NEO1: variants seen among roughly 807,000 people sequenced by gnomAD.
NEO1 encodes the protein neogenin 1.
A neutral mutation model predicts 159.7 loss-of-function variants in NEO1; 63 were observed. The observed-to-expected ratio is 0.39, with a 90% CI of 0.32 to 0.49. NEO1 has a LOEUF of 0.49. NEO1 is among the 20% of genes least tolerant of loss of function. NEO1 has a pLI of 0.85. For missense variants in NEO1, 1,615 were observed against 1,831.0 expected (o/e 0.88, Z 2.15); for synonymous variants, 633 against 662.0 (o/e 0.96, Z 0.67).
rs2040563498 is a variant in NEO1 at position 73,260,291 on chromosome 15, C to T, written c.2224C>T (p.Pro742Ser). The T allele has an allele frequency of 6.2e-7, 1 of 1,613,112 alleles. No individual in the cohort carries two copies. Among genetic ancestry groups the T allele is most frequent in the Non-Finnish European group, 8.5e-7 (1 of 1,179,718 alleles). The change falls in exon 15 of 29, where the codon CCT (proline) becomes TCT (serine). Residue 742 changes from proline (P) to serine (S), a missense_variant. Transcript: ENST00000261908. ...DLDETRVPEV[P>S]SSLHVRPLVT... ...CCCAGAAACTCGTGTTCCTGAAGTG[C>T]CTAGCTCTCTTCACGTACGCCCGCT...
Position 73,176,350 on chromosome 15 carries a change from T to C in NEO1, c.1016-53T>C, listed in dbSNP as rs530248994. On this transcript the variant is annotated intron_variant, in intron 5 of 28. Coordinates refer to ENST00000261908, the MANE Select transcript of NEO1 (RefSeq NM_002499.4). Reference sequence around the variant, plus strand: ...ATTTAAAAATTGGTTGAAATATGAATAGCTGCCTAGTTCTATTTTCATTAA... The same window carrying C: ...ATTTAAAAATTGGTTGAAATATGAACAGCTGCCTAGTTCTATTTTCATTAA... 933 of 1,195,094 alleles carry C rather than the reference T, an allele frequency of 7.8e-4. 3 individuals are homozygous for C. Among genetic ancestry groups the C allele is most frequent in the Non-Finnish European group, 9.5e-4 (836 of 883,184 alleles). 74.0% of individuals were successfully genotyped at this position (1,195,094 alleles called of 1,614,324 possible).
intron 5 of NEO1, among the ~76,000 whole-genome samples, chr15:73,161,145 C>T (rs187235483): frequency 2.3e-4 from 35 of 152,262 alleles, no homozygotes; most frequent in Non-Finnish European, 2.9e-4. Flanking sequence ...TCTTTTGTGA[C>T]TTCCGAGTTT....
At chr15:73,169,401 T>G (rs2034800105) in intron 5 of NEO1, among the ~76,000 whole-genome samples, 1 of 152,162 alleles carries the variant, frequency 6.6e-6, no homozygotes, top group Admixed American at 6.5e-5. Flanking sequence ...ATTGACTCAT[T>G]TGTTCTCTGG....
chr15:73,283,187 T>C (rs147388720), intron 23 of NEO1, 76 bp downstream of exon 23: 2 of 1,478,232 alleles, frequency 1.4e-6, no homozygotes, highest in African/African-American at 2.8e-5. Context: ...GTATATGGAG[T>C]GGTACACAAA....
intron 1 of NEO1, among the ~76,000 whole-genome samples, chr15:73,057,861 T>A (rs1049622469): frequency 1.3e-5 from 2 of 152,204 alleles, no homozygotes; most frequent in Non-Finnish European, 2.9e-5. Context: ...CATTTTATTT[T>A]AAAAACTTAT....
intron 1 of NEO1, among the ~76,000 whole-genome samples, chr15:73,103,209 G>A (rs2070495706): frequency 1.3e-5 from 2 of 152,062 alleles, no homozygotes; most frequent in African/African-American, 4.8e-5. Context: ...TCTCCATTTG[G>A]CAGTAAGAAT....
intron 5 of NEO1, among the ~76,000 whole-genome samples, chr15:73,157,658 C>T (rs1314613698): frequency 2.0e-5 from 3 of 152,212 alleles, no homozygotes. Flanking sequence ...TTGCTTTTCT[C>T]TTGAACTCCC....
chr15:73,195,777 C>T (rs1246607063), intron 7 of NEO1, among the ~76,000 whole-genome samples: 2 of 151,980 alleles, frequency 1.3e-5, no homozygotes, highest in Non-Finnish European at 2.9e-5. Flanking sequence ...TTTTAGAGTT[C>T]CTCTTCATTT....
intron 9 of NEO1, among the ~76,000 whole-genome samples, chr15:73,244,983 A>AAAAAAAAAAAAC (rs2039707127): frequency 6.7e-6 from 1 of 148,450 alleles, no homozygotes; most frequent in Non-Finnish European, 1.5e-5. Context: ...AAAAAAAAAA[A>AAAAAAAAAAAAC]CAACAGCAAA....
chr15:73,150,609 T>G (rs1017860727), intron 5 of NEO1, among the ~76,000 whole-genome samples: 1 of 152,202 alleles, frequency 6.6e-6, no homozygotes, highest in Non-Finnish European at 1.5e-5. Flanking sequence ...TTAGCTAAGC[T>G]TTAATATTTT....
chr15:73,246,940 G>C (rs1390516023), intron 9 of NEO1, among the ~76,000 whole-genome samples: 1 of 152,182 alleles, frequency 6.6e-6, no homozygotes, highest in Non-Finnish European at 1.5e-5. Context: ...TAGGCAGTCA[G>C]GATGTAAAGA....
At chr15:73,164,694 C>T (rs2034450092) in intron 5 of NEO1, among the ~76,000 whole-genome samples, 1 of 152,184 alleles carries the variant, frequency 6.6e-6, no homozygotes, top group South Asian at 2.1e-4. Flanking sequence ...TCTTCTAAAA[C>T]CCTTGCACAT....
intron 21 of NEO1, among the ~76,000 whole-genome samples, chr15:73,275,657 A>T (rs1447204214): frequency 5.3e-5 from 8 of 152,166 alleles, no homozygotes; most frequent in Non-Finnish European, 1.0e-4. Flanking sequence ...CCTGTCTCAA[A>T]AAAAAAGTAA....
chr15:73,059,160 T>G (rs2067860382), intron 1 of NEO1, among the ~76,000 whole-genome samples: 1 of 152,172 alleles, frequency 6.6e-6, no homozygotes, highest in Non-Finnish European at 1.5e-5. Flanking sequence ...TTGGAAGGGA[T>G]GTAGAGTAAA....
At chr15:73,193,433 A>C (rs535923593) in intron 7 of NEO1, among the ~76,000 whole-genome samples, 39 of 152,006 alleles carry the variant, frequency 2.6e-4, no homozygotes, top group African/African-American at 8.9e-4. Context: ...TTCAAAATTC[A>C]CTGTATCACT....
At chr15:73,253,254 T>G (rs2150954846) in intron 11 of NEO1, 146 bp from the exon 12 acceptor site, 1 of 459,998 alleles carries the variant, frequency 2.2e-6, no homozygotes, top group East Asian at 3.2e-5. Flanking sequence ...ATTGTCAACA[T>G]GAGGGCATTG....
At chr15:73,270,590 AGTT>A (rs2041123312) in intron 18 of NEO1, 136 bp downstream of exon 18, 1 of 979,752 alleles carries the variant, frequency 1.0e-6, no homozygotes, top group African/African-American at 1.6e-5. Flanking sequence ...TCAGCTGACA[AGTT>A]GTGTGTTTTT....
In NEO1 at chr15:73,085,607, T is replaced by C. The variant is rs575650653; in HGVS notation, c.131-30933T>C. ...TCCCACCAACAGTGTATGGGAGTTA[T>C]AGTTGATTGGCATCCTCACCAGTGT... is the stretch of plus-strand genomic sequence containing the variant. On this transcript the variant is annotated intron_variant, in intron 1 of 28. Transcript: ENST00000261908. Among the ~76,000 whole-genome samples, 8 of 152,342 alleles carry C rather than the reference T, an allele frequency of 5.3e-5. No homozygotes were observed. The South Asian group carries it at 1.0e-3, about 20-fold the overall frequency.
At chr15:73,221,058 T>C (rs2038225518) in intron 7 of NEO1, among the ~76,000 whole-genome samples, 1 of 152,218 alleles carries the variant, frequency 6.6e-6, no homozygotes, top group Non-Finnish European at 1.5e-5. Flanking sequence ...TTTGTGGTTT[T>C]ATCTACTTTT....
Sources: gnomAD v4.1 joint callset for allele counts (sites outside exome capture counted in the v4.1 genomes callset) on GRCh38, gnomAD v4.1.1 for gene constraint, MANE v1.5 for transcripts, NCBI Gene and HGNC (gene_info 2026-07-23, HGNC 2026-07-21) for gene names.